Variants in HEATR4 observed in about 807,000 individuals in gnomAD.
HEATR4 encodes HEAT repeat containing 4.
Under a neutral mutation model 108.8 loss-of-function variants are expected in HEATR4, and 95 were observed. The observed-to-expected ratio is 0.87, with a 90% CI of 0.74 to 1.04. The LOEUF (loss-of-function observed/expected upper bound fraction) is 1.04. Among genes scored for constraint, HEATR4 ranks in the 50% least tolerant of loss-of-function variants. HEATR4 has a pLI of 0.00. For synonymous variants in HEATR4, 443 were observed against 459.4 expected, an observed-to-expected ratio of 0.96 and a Z score of 0.46; for missense variants, 1,152 against 1,253.8, an observed-to-expected ratio of 0.92 and a Z score of 1.23.
chr14:73,564,719 CTGTTTTT>C, the HEATR4 span, among the ~76,000 whole-genome samples: 1 of 97,054 alleles, frequency 1.0e-5, no homozygotes, highest in Non-Finnish European at 2.0e-5. Flanking sequence ...CTTATCTTTT[CTGTTTTT>C]TGTTTTTTTT....
chr14:73,595,328 G>A, the HEATR4 span: 1 of 1,614,224 alleles, frequency 6.2e-7, no homozygotes, highest in Non-Finnish European at 8.5e-7. Context: ...AATAGAGAAG[G>A]CCCAGGGGCC....
intron 6 of HEATR4, 43 bp from the exon 7 acceptor site, chr14:73,512,192 G>C: frequency 1.2e-6 from 2 of 1,608,800 alleles, no homozygotes; most frequent in Non-Finnish European, 1.7e-6. Flanking sequence ...CACCTGGTTA[G>C]GGTTAGATAT....
intron 1 of HEATR4, chr14:73,537,935 C>G (rs1301139876): frequency 1.8e-6 from 2 of 1,094,598 alleles, no homozygotes; most frequent in African/African-American, 1.8e-5. Flanking sequence ...GCGCTTTCCA[C>G]TGTGTGTGTG....
chr14:73,633,775 C>T, the HEATR4 span: 8 of 152,384 alleles, frequency 5.2e-5, no homozygotes, highest in African/African-American at 1.7e-4. Context: ...ACCCTGGGCC[C>T]TCCGAAGTCG....
chr14:73,627,592 G>A, the HEATR4 span, among the ~76,000 whole-genome samples: 250 of 152,276 alleles, frequency 1.6e-3, 1 homozygote, highest in Non-Finnish European at 3.0e-3. Flanking sequence ...GATGTATAGG[G>A]AGAAAAGACA....
chr14:73,624,113 C>A, the HEATR4 span, among the ~76,000 whole-genome samples: 1 of 151,852 alleles, frequency 6.6e-6, no homozygotes, highest in Non-Finnish European at 1.5e-5. Context: ...ATAGTGAAAC[C>A]CTGTTTCTAC....
chr14:73,604,085 C>A, the HEATR4 span, among the ~76,000 whole-genome samples: 3 of 151,642 alleles, frequency 2.0e-5, no homozygotes, highest in Admixed American at 6.6e-5. Flanking sequence ...GCAAACATCA[C>A]ACACATAACA....
At chr14:73,561,400 G>A (rs1889530000), upstream of HEATR4, among the ~76,000 whole-genome samples, 1 of 151,792 alleles carries the variant, frequency 6.6e-6, no homozygotes, top group South Asian at 2.1e-4. Flanking sequence ...AAAAAGGAAT[G>A]AAATGGGCCA....
At chr14:73,586,181 G>A in the HEATR4 span, among the ~76,000 whole-genome samples, 1 of 151,894 alleles carries the variant, frequency 6.6e-6, no homozygotes, top group South Asian at 2.1e-4. Context: ...ATCACCTGAG[G>A]TCGGGAGTTC....
chr14:73,509,887 T>A (rs1887132399), intron 7 of HEATR4, among the ~76,000 whole-genome samples: 1 of 134,284 alleles, frequency 7.4e-6, no homozygotes, highest in Admixed American at 8.0e-5. Context: ...TTTTATATAT[T>A]TTTTGAGACG....
chr14:73,558,374 T>C (rs1357740020), intron 1 of HEATR4, among the ~76,000 whole-genome samples: 1 of 140,902 alleles, frequency 7.1e-6, no homozygotes, highest in Non-Finnish European at 1.6e-5. Context: ...TGATTTGTTT[T>C]TTTTTTTTTG....
chr14:73,479,134 G>C (rs1268231580), intron 17 of HEATR4, among the ~76,000 whole-genome samples: 3 of 141,948 alleles, frequency 2.1e-5, no homozygotes, highest in Non-Finnish European at 4.5e-5. Context: ...TGTTTTTTTT[G>C]AGACGGAGTC....
chr14:73,595,537 AT>A, the HEATR4 span: 8 of 1,610,668 alleles, frequency 5.0e-6, no homozygotes, highest in Non-Finnish European at 6.8e-6. Flanking sequence ...AACATGTTAT[AT>A]GGGGTGGGGA....
chr14:73,622,664 G>T, the HEATR4 span, among the ~76,000 whole-genome samples: 1 of 152,106 alleles, frequency 6.6e-6, no homozygotes, highest in Non-Finnish European at 1.5e-5. Context: ...CTCCCAAAGT[G>T]CTGGGATTAC....
At chr14:73,619,220 T>C in the HEATR4 span, 4 of 1,536,498 alleles carry the variant, frequency 2.6e-6, no homozygotes, top group Non-Finnish European at 3.5e-6. Context: ...TTTCCTTCTC[T>C]TTTTCCTCAA....
chr14:73,502,703 A>T (rs1474556780), intron 11 of HEATR4, among the ~76,000 whole-genome samples, 192 bp downstream of exon 11: 4 of 152,138 alleles, frequency 2.6e-5, no homozygotes, highest in African/African-American at 9.6e-5. Flanking sequence ...ATGTGCCACC[A>T]CGCCTGGCTA....
chr14:73,514,673 T>TA (rs2140285514), intron 5 of HEATR4, among the ~76,000 whole-genome samples: 1 of 152,324 alleles, frequency 6.6e-6, no homozygotes, highest in East Asian at 1.9e-4. Context: ...ATAATAGTGC[T>TA]ATAAGCTGTG....
intron 4 of HEATR4, among the ~76,000 whole-genome samples, chr14:73,519,478 G>A (rs994738956): frequency 6.6e-6 from 1 of 152,168 alleles, no homozygotes; most frequent in Non-Finnish European, 1.5e-5. Flanking sequence ...GGGTGTGGTG[G>A]CTCACACCTG....
At chr14:73,590,837 T>A in the HEATR4 span, among the ~76,000 whole-genome samples, 1 of 152,022 alleles carries the variant, frequency 6.6e-6, no homozygotes, top group Non-Finnish European at 1.5e-5. Flanking sequence ...CCCAGTAAGC[T>A]GAGGGAGCCG....
Sources: allele counts gnomAD v4.1 joint callset (sites outside exome capture counted in the v4.1 genomes callset), GRCh38; gene constraint gnomAD v4.1.1; transcripts MANE v1.5; gene names NCBI Gene and HGNC (gene_info 2026-07-23, HGNC 2026-07-21).